FAM135B: variants seen among roughly 807,000 people sequenced by gnomAD.
FAM135B encodes the protein family with sequence similarity 135 member B, also known as protein FAM135B.
In FAM135B, 43 loss-of-function variants were observed where a neutral mutation model predicts 127.7. That is an observed-to-expected ratio of 0.34 (90% CI 0.26 to 0.43). FAM135B has a LOEUF of 0.43. FAM135B is among the 20% of genes least tolerant of loss of function. FAM135B has a pLI of 1.00. For synonymous variants in FAM135B, 670 were observed against 665.1 expected (o/e 1.01, Z -0.11); for missense variants, 1,558 against 1,725.6 (o/e 0.90, Z 1.72).
chr8:138,289,006 T>G (rs1465774501), intron 3 of FAM135B, among the ~76,000 whole-genome samples: 1 of 152,166 alleles, frequency 6.6e-6, no homozygotes, highest in African/African-American at 2.4e-5. Context: ...CCCAGCCAGT[T>G]TCATCTGAAA....
intron 7 of FAM135B, among the ~76,000 whole-genome samples, chr8:138,237,676 C>T (rs1303225420): frequency 6.6e-6 from 1 of 152,190 alleles, no homozygotes; most frequent in Non-Finnish European, 1.5e-5. Context: ...GGGCCCTGTT[C>T]AGTCAGTTGA....
Position 138,203,450 on chromosome 8 carries a change from C to A in FAM135B, c.670-5781G>T, listed in dbSNP as rs1817304292. Among the ~76,000 whole-genome samples the A allele has an allele frequency of 3.9e-5, 6 of 152,200 alleles. No homozygotes were observed. The South Asian group carries it at 1.2e-3, about 31-fold the overall frequency. ...GGTTCTACCTCTCAAATTCTCTTAT[C>A]TCTGCCCCAGGTTGAGCTGTCTCTA... is the stretch of plus-strand genomic sequence containing the variant. On this transcript the variant is annotated intron_variant, in intron 7 of 19. Transcript: ENST00000395297.
At chr8:138,297,760 T>A (rs1239516708) in intron 3 of FAM135B, among the ~76,000 whole-genome samples, 2 of 152,178 alleles carry the variant, frequency 1.3e-5, no homozygotes, top group South Asian at 2.1e-4. Context: ...AAGCTGAACA[T>A]CCAAGAAGGA....
intron 4 of FAM135B, among the ~76,000 whole-genome samples, chr8:138,265,069 A>C (rs1472357601): frequency 6.6e-6 from 1 of 152,212 alleles, no homozygotes; most frequent in Non-Finnish European, 1.5e-5. Context: ...GTTTCCAACT[A>C]ATAAAGCGAG....
chr8:138,234,213 A>T (rs1820106559), intron 7 of FAM135B, among the ~76,000 whole-genome samples: 1 of 152,266 alleles, frequency 6.6e-6, no homozygotes, highest in Non-Finnish European at 1.5e-5. Context: ...ACAGTATAAA[A>T]GATAAGTATT....
At chr8:138,484,534 G>C (rs944786487) in intron 1 of FAM135B, among the ~76,000 whole-genome samples, 1 of 152,166 alleles carries the variant, frequency 6.6e-6, no homozygotes, top group African/African-American at 2.4e-5. Flanking sequence ...TAGGGCTAAT[G>C]ATGGCCCTGC....
intron 7 of FAM135B, among the ~76,000 whole-genome samples, chr8:138,215,166 A>C (rs1818450696): frequency 6.6e-6 from 1 of 152,154 alleles, no homozygotes; most frequent in Admixed American, 6.5e-5. Flanking sequence ...CTGGGCTCAA[A>C]CCCTAGAACC....
chr8:138,253,875 C>T (rs1349822993), intron 5 of FAM135B, among the ~76,000 whole-genome samples: 1 of 152,188 alleles, frequency 6.6e-6, no homozygotes, highest in Non-Finnish European at 1.5e-5. Flanking sequence ...CCACAGATGC[C>T]TTGTCATCCT....
chr8:138,369,362 T>C (rs1830972100), intron 1 of FAM135B, among the ~76,000 whole-genome samples: 1 of 152,162 alleles, frequency 6.6e-6, no homozygotes, highest in African/African-American at 2.4e-5. Flanking sequence ...ACCATTCTTG[T>C]GGTTCAGAGT....
At chr8:138,404,948 C>G (rs1322835270) in intron 1 of FAM135B, among the ~76,000 whole-genome samples, 1 of 152,162 alleles carries the variant, frequency 6.6e-6, no homozygotes, top group Non-Finnish European at 1.5e-5. Context: ...CACCAATGTT[C>G]TTAATGGCAG....
At chr8:138,181,053 A>C (rs1165706754) in intron 9 of FAM135B, among the ~76,000 whole-genome samples, 1 of 149,962 alleles carries the variant, frequency 6.7e-6, no homozygotes, top group Non-Finnish European at 1.5e-5. Context: ...ATCCTGGCCG[A>C]CATGGTAAAA....
At chr8:138,440,265 A>G (rs1370618104) in intron 1 of FAM135B, 2 of 152,108 alleles carry the variant, frequency 1.3e-5, no homozygotes, top group East Asian at 3.9e-4. Context: ...ATGTCTCAGG[A>G]ACCCTTAAGC....
intron 2 of FAM135B, among the ~76,000 whole-genome samples, chr8:138,344,991 G>C (rs1829313312): frequency 6.6e-6 from 1 of 152,208 alleles, no homozygotes; most frequent in Non-Finnish European, 1.5e-5. Context: ...CGGGACTGAT[G>C]CTCCGGAAGA....
At chr8:138,407,397 GA>G (rs1161079844) in intron 1 of FAM135B, among the ~76,000 whole-genome samples, 1 of 152,048 alleles carries the variant, frequency 6.6e-6, no homozygotes, top group Non-Finnish European at 1.5e-5. Context: ...CACTGAATTG[GA>G]AAAAACTACT....
At chr8:138,421,782 C>G (rs1834525367) in intron 1 of FAM135B, among the ~76,000 whole-genome samples, 1 of 152,026 alleles carries the variant, frequency 6.6e-6, no homozygotes, top group Non-Finnish European at 1.5e-5. Flanking sequence ...TTAGAAAAAA[C>G]TATTCCAAAA....
intron 2 of FAM135B, among the ~76,000 whole-genome samples, chr8:138,365,138 T>C (rs760412049): frequency 3.3e-5 from 5 of 152,184 alleles, no homozygotes; most frequent in Admixed American, 6.5e-5. Flanking sequence ...TGAGTCACCA[T>C]GCCTGGCTGA....
At chr8:138,395,352 G>A (rs1229200413) in intron 1 of FAM135B, among the ~76,000 whole-genome samples, 1 of 152,034 alleles carries the variant, frequency 6.6e-6, no homozygotes, top group African/African-American at 2.4e-5. Context: ...GCTTGGTTAT[G>A]GAGGTCTTCT....
chr8:138,443,820 A>G (rs1413000274), intron 1 of FAM135B, among the ~76,000 whole-genome samples: 1 of 152,228 alleles, frequency 6.6e-6, no homozygotes, highest in African/African-American at 2.4e-5. Context: ...TTAAAGATAA[A>G]TGGGCTAAAT....
intron 7 of FAM135B, among the ~76,000 whole-genome samples, chr8:138,216,607 G>T (rs1469044222): frequency 6.6e-6 from 1 of 152,202 alleles, no homozygotes; most frequent in Non-Finnish European, 1.5e-5. Context: ...CATCTGATGT[G>T]CTGCCTTTCT....
Sources: allele counts gnomAD v4.1 joint callset (sites outside exome capture counted in the v4.1 genomes callset), GRCh38; gene constraint gnomAD v4.1.1; transcripts MANE v1.5; gene names NCBI Gene and HGNC (gene_info 2026-07-23, HGNC 2026-07-21).